Variants in VPS13B observed in about 807,000 individuals in gnomAD.
The protein encoded by VPS13B is vacuolar protein sorting 13 homolog B.
Under a neutral mutation model 426.4 loss-of-function variants are expected in VPS13B, and 285 were observed. That is an observed-to-expected ratio of 0.67 (90% CI 0.61 to 0.74). VPS13B has a LOEUF of 0.74. VPS13B is among the 30% of genes least tolerant of loss of function. The probability of loss-of-function intolerance (pLI) is 0.00; values close to 1 mark genes in which losing one functional copy is unlikely to be tolerated. For synonymous variants in VPS13B, 1,676 were observed against 1,676.4 expected (o/e 1.00, Z 0.01); for missense variants, 4,537 against 4,782.6 (o/e 0.95, Z 1.51).
At chr8:99,336,871 T>C (rs1368607778) in intron 19 of VPS13B, among the ~76,000 whole-genome samples, 24 of 152,008 alleles carry the variant, frequency 1.6e-4, no homozygotes, top group Admixed American at 1.6e-3. Flanking sequence ...CAACAGGTGC[T>C]GGAGAGGATG....
chr8:99,836,778 T>C lies in VPS13B; in HGVS notation c.9942+1040T>C, dbSNP rs963680885. 2.1e-4 allele frequency among the ~76,000 whole-genome samples: 32 copies of C among 152,270 alleles called. 1 individual carries two copies. Among genetic ancestry groups the C allele is most frequent in the Non-Finnish European group, 2.9e-5 (2 of 68,048 alleles). On this transcript the variant is annotated intron_variant, in intron 54 of 61. Transcript: ENST00000357162. ...AGTAATAATAATGGTTATCATTGAA[T>C]AATCACTTACACCATACGAGGCATT...
intron 34 of VPS13B, among the ~76,000 whole-genome samples, chr8:99,654,172 C>T (rs940247020): frequency 7.2e-5 from 11 of 152,044 alleles, no homozygotes; most frequent in Admixed American, 7.2e-4. Flanking sequence ...CCTCAGCCTC[C>T]CTAGTAGCTG....
At chr8:99,043,867 C>A (rs1201826428) in intron 3 of VPS13B, among the ~76,000 whole-genome samples, 5 of 152,148 alleles carry the variant, frequency 3.3e-5, no homozygotes, top group Non-Finnish European at 5.9e-5. Context: ...GAAGCATTCT[C>A]TTTATTGTGG....
Position 99,720,332 on chromosome 8 carries a change from T to A in VPS13B, c.6658-13T>A, listed in dbSNP as rs369117364. On this transcript the variant is annotated splice_polypyrimidine_tract_variant and intron_variant, in intron 37 of 61. Coordinates refer to ENST00000357162, the MANE Select transcript of VPS13B (RefSeq NM_152564.5). Reference sequence around the variant, plus strand: ...TATTTAAAAGCTACTAGAATTTTTTTATGATTTTAAAGGTCTTCTGGGGTC... The same window carrying A: ...TATTTAAAAGCTACTAGAATTTTTTAATGATTTTAAAGGTCTTCTGGGGTC... 5.0e-4 allele frequency: 808 copies of A among 1,608,852 alleles called. 1 individual carries two copies. The highest frequency in any genetic ancestry group is 6.6e-4 in the Non-Finnish European group (780 of 1,177,580).
At chr8:99,746,752 T>C (rs1788148) in intron 39 of VPS13B, among the ~76,000 whole-genome samples, 20,173 of 152,104 alleles carry the variant, frequency 0.13, 1,909 homozygotes, top group East Asian at 0.4. Context: ...GTGAGTAAAC[T>C]AGATTAAAAG....
At chr8:99,571,522 G>T (rs1825473077) in intron 31 of VPS13B, among the ~76,000 whole-genome samples, 1 of 152,068 alleles carries the variant, frequency 6.6e-6, no homozygotes, top group African/African-American at 2.4e-5. Flanking sequence ...CATATTTTGT[G>T]TTACTGATTT....
chr8:99,314,344 A>T (rs2133109494), intron 19 of VPS13B, among the ~76,000 whole-genome samples: 1 of 152,112 alleles, frequency 6.6e-6, no homozygotes, highest in East Asian at 1.9e-4. Context: ...ATAACATGTG[A>T]TCTACCTTGG....
At chr8:99,762,340 T>C (rs948905028) in intron 39 of VPS13B, among the ~76,000 whole-genome samples, 13 of 152,226 alleles carry the variant, frequency 8.5e-5, no homozygotes, top group African/African-American at 2.9e-4. Flanking sequence ...CTGAGATTTT[T>C]ATATGTCTCT....
intron 35 of VPS13B, among the ~76,000 whole-genome samples, chr8:99,691,118 A>G (rs554959759): frequency 1.3e-5 from 2 of 152,308 alleles, no homozygotes; most frequent in South Asian, 2.1e-4. Context: ...CAAAAATCAC[A>G]TATTATATGA....
intron 36 of VPS13B, among the ~76,000 whole-genome samples, chr8:99,709,635 G>T (rs970966186): frequency 1.3e-5 from 2 of 152,150 alleles, no homozygotes; most frequent in African/African-American, 2.4e-5. Context: ...AAGATAAACA[G>T]ATTTTTGAGA....
chr8:99,202,690 C>A (rs1361338310), intron 17 of VPS13B, among the ~76,000 whole-genome samples: 3 of 152,110 alleles, frequency 2.0e-5, no homozygotes, highest in African/African-American at 7.2e-5. Flanking sequence ...CTCCCTATCT[C>A]ATTTTATGAG....
At chr8:99,774,928 G>T (rs903099186) in intron 40 of VPS13B, among the ~76,000 whole-genome samples, 2 of 152,178 alleles carry the variant, frequency 1.3e-5, no homozygotes, top group African/African-American at 4.8e-5. Context: ...CTGCAATGGA[G>T]ATTTACTAGC....
intron 34 of VPS13B, among the ~76,000 whole-genome samples, chr8:99,652,551 GT>G (rs890825449): frequency 3.1e-4 from 45 of 147,338 alleles, no homozygotes; most frequent in South Asian, 1.3e-3. Flanking sequence ...GTAATTGAGG[GT>G]TTTTTTTTTA....
intron 30 of VPS13B, among the ~76,000 whole-genome samples, chr8:99,542,745 C>T (rs1477588686): frequency 6.6e-6 from 1 of 152,128 alleles, no homozygotes; most frequent in Non-Finnish European, 1.5e-5. Flanking sequence ...AAGAGCACAG[C>T]CTTTCCAAGT....
At chr8:99,378,076 G>A (rs1813587348) in intron 19 of VPS13B, among the ~76,000 whole-genome samples, 1 of 144,896 alleles carries the variant, frequency 6.9e-6, no homozygotes, top group Admixed American at 7.5e-5. Context: ...GCCAGGACGT[G>A]TTTCATCCCT....
At chr8:99,270,315 T>A (rs757782990) in intron 17 of VPS13B, among the ~76,000 whole-genome samples, 46 of 151,254 alleles carry the variant, frequency 3.0e-4, no homozygotes, top group Non-Finnish European at 5.9e-4. Context: ...ATTTTTATAC[T>A]TTTAGTATAG....
intron 21 of VPS13B, among the ~76,000 whole-genome samples, chr8:99,411,180 A>T (rs556342266): frequency 6.6e-5 from 10 of 152,300 alleles, no homozygotes; most frequent in Admixed American, 2.0e-4. Context: ...ACTCCCATCA[A>T]TGGTGTAAAG....
In VPS13B at chr8:99,487,818, A is replaced by C. The variant is rs552645344; in HGVS notation, c.3870+6016A>C. Among the ~76,000 whole-genome samples the C allele has an allele frequency of 3.9e-5, 6 of 152,244 alleles. No homozygotes were observed. In the South Asian group the frequency reaches 1.2e-3, roughly 32 times the overall value. The stretch of plus-strand genomic sequence containing the variant: ...GGCTGAGTAATATTTCATTGTATGT[A>C]TATAACACATTTAATTTATCTGTTT... On this transcript the variant is annotated intron_variant, in intron 25 of 61. Transcript: ENST00000357162.
At chr8:99,445,520 CT>C (rs1173022017) in intron 23 of VPS13B, among the ~76,000 whole-genome samples, 4 of 149,102 alleles carry the variant, frequency 2.7e-5, no homozygotes, top group Admixed American at 6.7e-5. Flanking sequence ...GTAATATATA[CT>C]TTTTTTAATA....
Sources: gnomAD v4.1 joint callset for allele counts (sites outside exome capture counted in the v4.1 genomes callset) on GRCh38, gnomAD v4.1.1 for gene constraint, MANE v1.5 for transcripts, NCBI Gene and HGNC (gene_info 2026-07-23, HGNC 2026-07-21) for gene names.